The following ITGBL1 variants were observed in gnomAD, a reference collection of about 807,000 sequenced individuals.
ITGBL1 encodes integrin beta-like protein 1.
Under a neutral mutation model 68.5 loss-of-function variants are expected in ITGBL1, and 51 were observed. That is an observed-to-expected ratio of 0.74 (90% CI 0.59 to 0.94). ITGBL1 has a LOEUF of 0.94. ITGBL1 is among the 40% of genes least tolerant of loss of function. The probability of loss-of-function intolerance (pLI) is 0.00; values close to 1 mark genes in which losing one functional copy is unlikely to be tolerated. For missense variants in ITGBL1, 649 were observed against 647.4 expected (o/e 1.00, Z -0.03); for synonymous variants, 209 against 227.3 (o/e 0.92, Z 0.72).
chr13:101,523,200 G>A (rs1393131628), intron 2 of ITGBL1, among the ~76,000 whole-genome samples: 1 of 152,104 alleles, frequency 6.6e-6, no homozygotes, highest in African/African-American at 2.4e-5. Flanking sequence ...GGATTTCTTA[G>A]GAAATTCAAT....
chr13:101,638,971 G>A (rs2032271999), intron 7 of ITGBL1, among the ~76,000 whole-genome samples: 1 of 152,032 alleles, frequency 6.6e-6, no homozygotes, highest in Admixed American at 6.6e-5. Flanking sequence ...TTTTGAAATG[G>A]TAAAAAGTAA....
chr13:101,537,348 A>G (rs1203607887), intron 2 of ITGBL1, among the ~76,000 whole-genome samples: 1 of 152,088 alleles, frequency 6.6e-6, no homozygotes, highest in Admixed American at 6.6e-5. Context: ...AATGGAATAC[A>G]TATTTCCAGT....
chr13:101,713,236 A>G (rs973058149), intron 9 of ITGBL1: 2 of 152,204 alleles, frequency 1.3e-5, no homozygotes, highest in African/African-American at 4.8e-5. Flanking sequence ...TCCTTTCATG[A>G]TATCTGTGAT....
intron 7 of ITGBL1, among the ~76,000 whole-genome samples, chr13:101,605,657 C>T (rs938333681): frequency 6.6e-6 from 1 of 151,162 alleles, no homozygotes; most frequent in African/African-American, 2.4e-5. Flanking sequence ...TGCGTATGCA[C>T]GTATGTAGAC....
At chr13:101,656,141 T>C (rs1024693300) in intron 7 of ITGBL1, among the ~76,000 whole-genome samples, 5 of 152,154 alleles carry the variant, frequency 3.3e-5, no homozygotes, top group Admixed American at 1.3e-4. Context: ...CTGGGATATA[T>C]AGAAAGGAAA....
intron 2 of ITGBL1, among the ~76,000 whole-genome samples, chr13:101,520,256 AAAAT>A (rs2049263396): frequency 6.6e-6 from 1 of 152,224 alleles, no homozygotes. Flanking sequence ...TTTTTGACAC[AAAAT>A]AAATAAGATG....
At chr13:101,462,432 AG>A (rs2048330064) in intron 2 of ITGBL1, among the ~76,000 whole-genome samples, 1 of 152,202 alleles carries the variant, frequency 6.6e-6, no homozygotes, top group Non-Finnish European at 1.5e-5. Context: ...TATAAAGTGC[AG>A]GGCACTCTGT....
intron 2 of ITGBL1, among the ~76,000 whole-genome samples, chr13:101,549,242 G>A (rs796976538): frequency 2.2e-4 from 33 of 151,704 alleles, no homozygotes; most frequent in Admixed American, 8.5e-4. Context: ...ATGGACATAC[G>A]ATAACCATAT....
At chr13:101,672,618 C>G (rs1376984782) in intron 7 of ITGBL1, among the ~76,000 whole-genome samples, 3 of 152,190 alleles carry the variant, frequency 2.0e-5, no homozygotes, top group African/African-American at 7.2e-5. Context: ...CTGATCCAAT[C>G]AATCTGTGGG....
chr13:101,495,727 G>C (rs896101744), intron 2 of ITGBL1, among the ~76,000 whole-genome samples: 3 of 152,032 alleles, frequency 2.0e-5, no homozygotes, highest in African/African-American at 4.8e-5. Context: ...AGATTAAGGG[G>C]GGGTCTTTAG....
chr13:101,555,834 T>G (rs2049996207), intron 2 of ITGBL1, among the ~76,000 whole-genome samples: 1 of 152,164 alleles, frequency 6.6e-6, no homozygotes, highest in South Asian at 2.1e-4. Flanking sequence ...ATTTCTTATC[T>G]CTGTAACCCA....
intron 7 of ITGBL1, among the ~76,000 whole-genome samples, chr13:101,644,197 C>G (rs974378121): frequency 6.6e-6 from 1 of 152,164 alleles, no homozygotes; most frequent in Non-Finnish European, 1.5e-5. Context: ...GAGAATAAAA[C>G]ACTGACTCTG....
chr13:101,712,792 G>T (rs2034535030), intron 9 of ITGBL1: 1 of 152,086 alleles, frequency 6.6e-6, no homozygotes, highest in Non-Finnish European at 1.5e-5. Context: ...CTAGAAATGT[G>T]AAAGAAAGTC....
intron 2 of ITGBL1, among the ~76,000 whole-genome samples, chr13:101,476,415 G>A (rs975299447): frequency 6.6e-6 from 1 of 151,912 alleles, no homozygotes; most frequent in African/African-American, 2.4e-5. Flanking sequence ...AAGAAGGAAG[G>A]CAAGAAAGAA....
At chr13:101,477,796 G>C (rs1408124167) in intron 2 of ITGBL1, among the ~76,000 whole-genome samples, 1 of 151,940 alleles carries the variant, frequency 6.6e-6, no homozygotes, top group Admixed American at 6.6e-5. Context: ...AACCTAAATA[G>C]TCCAATAACA....
chr13:101,575,601 T>G (rs1171933965), intron 4 of ITGBL1, 55 bp downstream of exon 4: 2 of 1,547,762 alleles, frequency 1.3e-6, no homozygotes, highest in Non-Finnish European at 1.8e-6. Flanking sequence ...TTTCACCTAT[T>G]TCATTGTTCT....
At chr13:101,691,987 A>T (rs1296107318) in intron 7 of ITGBL1, among the ~76,000 whole-genome samples, 2 of 152,196 alleles carry the variant, frequency 1.3e-5, no homozygotes, top group Non-Finnish European at 2.9e-5. Flanking sequence ...GATGAACCAA[A>T]TTCATTGCAA....
chr13:101,654,955 A>G lies in ITGBL1; in HGVS notation c.1016-37630A>G, dbSNP rs58589922. On this transcript the variant is annotated intron_variant, in intron 7 of 10. Coordinates refer to ENST00000376180, the MANE Select transcript of ITGBL1 (RefSeq NM_004791.3). ...AAGCAATGTTCAGAGAAGAAGGTGT[A>G]TGGGTATAGATGACCTTGGTGATGA... Among the ~76,000 whole-genome samples, 1,048 of 152,280 alleles carry G rather than the reference A, an allele frequency of 6.9e-3. 11 individuals are homozygous for G. The highest frequency in any genetic ancestry group is 0.023 in the African/African-American group (949 of 41,550).
At chr13:101,467,131 C>G (rs141472556) in intron 2 of ITGBL1, among the ~76,000 whole-genome samples, 1 of 152,090 alleles carries the variant, frequency 6.6e-6, no homozygotes, top group Non-Finnish European at 1.5e-5. Context: ...GTGCTCATGA[C>G]CTAATCACCT....
Sources: gnomAD v4.1 joint callset for allele counts (sites outside exome capture counted in the v4.1 genomes callset) on GRCh38, gnomAD v4.1.1 for gene constraint, MANE v1.5 for transcripts, NCBI Gene and HGNC (gene_info 2026-07-23, HGNC 2026-07-21) for gene names.